EXD1: variants seen among roughly 807,000 people sequenced by gnomAD.
EXD1 encodes the protein exonuclease 3'-5' domain containing 1, also known as piRNA biogenesis protein EXD1.
A neutral mutation model predicts 49.1 loss-of-function variants in EXD1; 63 were observed. That is an observed-to-expected ratio of 1.28 (90% CI 1.05 to 1.58). The LOEUF (loss-of-function observed/expected upper bound fraction) is 1.58, where lower values mean the gene tolerates loss of function less well. EXD1 is among the 40% of genes most tolerant of loss of function. The pLI is 0.00. For synonymous variants in EXD1, 234 were observed against 239.2 expected (o/e 0.98, Z 0.20); for missense variants, 748 against 666.0 (o/e 1.12, Z -1.36).
intron 7 of EXD1, among the ~76,000 whole-genome samples, chr15:41,200,854 C>T (rs2046717477): frequency 6.6e-6 from 1 of 151,828 alleles, no homozygotes; most frequent in African/African-American, 2.4e-5. Flanking sequence ...ACAACCCCCA[C>T]ACATCTGGGG....
At chr15:41,221,938 A>T (rs369629692) in intron 2 of EXD1, among the ~76,000 whole-genome samples, 19,198 of 151,360 alleles carry the variant, frequency 0.13, 1,394 homozygotes, top group South Asian at 0.27. Flanking sequence ...TGTCTCTACT[A>T]AAACATCAAA....
At chr15:41,191,031 G>A (rs935105797) in intron 10 of EXD1, among the ~76,000 whole-genome samples, 4 of 152,014 alleles carry the variant, frequency 2.6e-5, no homozygotes, top group Non-Finnish European at 5.9e-5. Context: ...AAGTTCAAGC[G>A]ATTCTCCTGC....
Position 41,191,398 on chromosome 15 carries a change from A to G in EXD1, c.864+44T>C, listed in dbSNP as rs780915519. On this transcript the variant is annotated intron_variant, in intron 10 of 11. Transcript: ENST00000458580. ...AGGCTGATAATACTGCTCAGAAAAC[A>G]CTTGAAAAAAAATAATGTCATACAG... The G allele has an allele frequency of 3.2e-6, 5 of 1,559,294 alleles. No individual in the cohort carries two copies. The East Asian group carries it at 9.0e-5, about 28-fold the overall frequency.
intron 11 of EXD1, 26 bp downstream of exon 11, chr15:41,189,911 T>A: frequency 6.2e-7 from 1 of 1,605,870 alleles, no homozygotes; most frequent in Non-Finnish European, 8.5e-7. Flanking sequence ...AGAAAGGAGG[T>A]CCTGAAGACA....
At chr15:41,203,937 A>C (rs1249601557) in intron 7 of EXD1, among the ~76,000 whole-genome samples, 1 of 144,866 alleles carries the variant, frequency 6.9e-6, no homozygotes, top group Non-Finnish European at 1.5e-5. Flanking sequence ...AAAAAAAAAA[A>C]AAAAAAACCC....
chr15:41,202,129 C>A (rs1169123283), intron 7 of EXD1, among the ~76,000 whole-genome samples: 1 of 151,128 alleles, frequency 6.6e-6, no homozygotes, highest in Non-Finnish European at 1.5e-5. Context: ...CTACCTAGCA[C>A]CCATTCTCAG....
chr15:41,197,262 C>G (rs1275091755), intron 7 of EXD1, among the ~76,000 whole-genome samples: 1 of 143,048 alleles, frequency 7.0e-6, no homozygotes, highest in Non-Finnish European at 1.5e-5. Context: ...GAGTCTTGCT[C>G]TGTCGCCCAG....
At chr15:41,184,819 T>C (rs2046383313) in intron 11 of EXD1, among the ~76,000 whole-genome samples, 1 of 152,006 alleles carries the variant, frequency 6.6e-6, no homozygotes. Context: ...CACGCCCAGC[T>C]AATTTTTTTT....
chr15:41,219,767 A>G lies in EXD1; in HGVS notation c.202+63T>C. 5 of 1,338,860 alleles carry G rather than the reference A, an allele frequency of 3.7e-6. No homozygotes were observed. In the South Asian group the frequency reaches 3.8e-5, roughly 10 times the overall value. 82.9% of individuals were successfully genotyped at this position (1,338,860 alleles called of 1,614,324 possible). A position where few individuals can be genotyped will look rare whatever the true frequency, so the allele number is the denominator to read the frequency against. On this transcript the variant is annotated intron_variant, in intron 3 of 11. Transcript: ENST00000458580. ...TCCATAAGCACAACATTAAGACAAG[A>G]CAATTTCAAATATTGGAATGAAATC...
rs367790415 is a variant in EXD1, at chr15:41,212,310, C to T, written c.448-2723G>A. ...TAAAAATGTAAAAAAAAAAAATAAG[C>T]CGGGCGTGGTGGCGGGCACCTGTAG... On this transcript the variant is annotated intron_variant, in intron 6 of 11. Coordinates refer to ENST00000458580, the MANE Select transcript of EXD1 (RefSeq NM_001286441.2). 6.1e-4 allele frequency among the ~76,000 whole-genome samples: 92 copies of T among 152,046 alleles called. 2 individuals are homozygous for T. The highest frequency in any genetic ancestry group is 2.2e-3 in the African/African-American group (90 of 41,494).
chr15:41,209,128 T>C (rs1007738528), intron 7 of EXD1, among the ~76,000 whole-genome samples: 5 of 152,082 alleles, frequency 3.3e-5, no homozygotes, highest in African/African-American at 1.2e-4. Flanking sequence ...AGACAATTAA[T>C]AAATCTACCA....
chr15:41,184,589 G>A lies in EXD1; in HGVS notation c.1061C>T (p.Thr354Ile). 1 of 1,579,352 alleles carries A rather than the reference G, an allele frequency of 6.3e-7. No homozygotes were observed. The highest frequency in any genetic ancestry group is 8.6e-7 in the Non-Finnish European group (1 of 1,168,216). ...SADRLGGTEP[T>I]CMELPEELLQ... The stretch of plus-strand genomic sequence containing the variant: ...CAGTTCCTCTGGCAGCTCCATACAT[G>A]TAGGCTAAGAAGAGAAAGCGAACAC... The change falls in exon 12 of 12, where the codon ACA becomes ATA. Residue 354 changes from threonine to isoleucine, a missense_variant. Transcript: ENST00000458580.
intron 7 of EXD1, among the ~76,000 whole-genome samples, chr15:41,206,474 GAA>G (rs34195951): frequency 0.14 from 11,937 of 86,856 alleles, 651 homozygotes; most frequent in East Asian, 0.27. Flanking sequence ...ACCCTGTCTC[GAA>G]AAAAAAAAAA....
chr15:41,229,311 C>T (rs375330262), intron 1 of EXD1, among the ~76,000 whole-genome samples: 6 of 152,228 alleles, frequency 3.9e-5, no homozygotes, highest in Admixed American at 1.3e-4. Flanking sequence ...AACCCTGTCT[C>T]TACTAAAAAT....
At chr15:41,207,202 T>C (rs1400190268) in intron 7 of EXD1, among the ~76,000 whole-genome samples, 1 of 149,506 alleles carries the variant, frequency 6.7e-6, no homozygotes, top group Non-Finnish European at 1.5e-5. Context: ...GATTGTGCCA[T>C]TGCACTCTAG....
At chr15:41,189,885 C>T in intron 11 of EXD1, 52 bp downstream of exon 11, 3 of 1,572,420 alleles carry the variant, frequency 1.9e-6, no homozygotes, top group South Asian at 2.2e-5. Context: ...ACTGTGTCTG[C>T]CTTCCTTGAG....
chr15:41,215,871 C>T lies in EXD1; in HGVS notation c.389-38G>A, dbSNP rs761435901. 3 of 1,597,050 alleles carry T rather than the reference C, an allele frequency of 1.9e-6. No homozygotes were observed. In the South Asian group the frequency reaches 3.3e-5, roughly 18 times the overall value. Reference sequence around the variant, plus strand: ...GATTGCATTAGATATATTTCTCTTCCTCAGCAACAGAATAGCTTTCTCAAT... The same window carrying T: ...GATTGCATTAGATATATTTCTCTTCTTCAGCAACAGAATAGCTTTCTCAAT... On this transcript the variant is annotated intron_variant, in intron 5 of 11. Coordinates refer to ENST00000458580, the MANE Select transcript of EXD1 (RefSeq NM_001286441.2).
chr15:41,216,233 G>C (rs567423676), intron 5 of EXD1, among the ~76,000 whole-genome samples: 1 of 151,074 alleles, frequency 6.6e-6, no homozygotes, highest in East Asian at 1.9e-4. Flanking sequence ...GGATTCCATA[G>C]AGAATCTTGA....
chr15:41,187,008 C>T (rs1225439266), intron 11 of EXD1, among the ~76,000 whole-genome samples: 1 of 151,952 alleles, frequency 6.6e-6, no homozygotes, highest in Non-Finnish European at 1.5e-5. Context: ...CCTCAGCCTC[C>T]CGAGTAGCTG....
Sources: allele counts gnomAD v4.1 joint callset (sites outside exome capture counted in the v4.1 genomes callset), GRCh38; gene constraint gnomAD v4.1.1; transcripts MANE v1.5; gene names NCBI Gene and HGNC (gene_info 2026-07-23, HGNC 2026-07-21).